The following PIAS2 variants were observed in gnomAD, a reference collection of about 807,000 sequenced individuals.
PIAS2 encodes the protein protein inhibitor of activated STAT 2.
PIAS2 carries 19 observed loss-of-function variants against 69.7 expected under a neutral mutation model. The observed-to-expected ratio is 0.27, with a 90% CI of 0.19 to 0.40. The LOEUF (loss-of-function observed/expected upper bound fraction) is 0.40. Among genes scored for constraint, PIAS2 ranks in the 10% least tolerant of loss-of-function variants. PIAS2 has a pLI of 1.00. For synonymous variants in PIAS2, 261 were observed against 263.2 expected (o/e 0.99, Z 0.08); for missense variants, 624 against 757.0 (o/e 0.82, Z 2.06).
intron 8 of PIAS2, among the ~76,000 whole-genome samples, chr18:46,842,865 C>T (rs1412689453): frequency 3.3e-5 from 5 of 152,078 alleles, no homozygotes; most frequent in Admixed American, 2.0e-4. Flanking sequence ...AGCAGGTTCC[C>T]AGTATCCAAG....
At chr18:46,867,026 G>A (rs1375141306) in intron 2 of PIAS2, among the ~76,000 whole-genome samples, 3 of 152,100 alleles carry the variant, frequency 2.0e-5, no homozygotes, top group Non-Finnish European at 4.4e-5. Flanking sequence ...CCATAGTCAT[G>A]TTGTACATGT....
At chr18:46,909,797 G>C (rs1469268663) in intron 1 of PIAS2, among the ~76,000 whole-genome samples, 1 of 152,134 alleles carries the variant, frequency 6.6e-6, no homozygotes, top group Non-Finnish European at 1.5e-5. Context: ...ATCAGTGCAG[G>C]TCAGGGTTTT....
At chr18:46,859,844 A>G (rs958385019) in intron 3 of PIAS2, among the ~76,000 whole-genome samples, 1 of 152,236 alleles carries the variant, frequency 6.6e-6, no homozygotes, top group African/African-American at 2.4e-5. Context: ...ATAACAAAGC[A>G]CATTAATGAA....
chr18:46,817,022 T>A (rs1381627016), intron 12 of PIAS2: 1 of 936,264 alleles, frequency 1.1e-6, no homozygotes, highest in African/African-American at 1.8e-5. Flanking sequence ...TTTTCAATAT[T>A]TCTATTATTA....
intron 1 of PIAS2, among the ~76,000 whole-genome samples, chr18:46,907,137 T>C (rs797003011): frequency 6.6e-6 from 1 of 152,206 alleles, no homozygotes; most frequent in African/African-American, 2.4e-5. Context: ...GAACTCTGAA[T>C]AGACTCAGGG....
chr18:46,851,845 T>C (rs2047014037), intron 5 of PIAS2, among the ~76,000 whole-genome samples: 1 of 152,194 alleles, frequency 6.6e-6, no homozygotes, highest in Admixed American at 6.5e-5. Flanking sequence ...GGTATTACAG[T>C]AAGATCATAC....
chr18:46,914,551 C>T (rs1234331099), intron 1 of PIAS2, among the ~76,000 whole-genome samples: 1 of 151,188 alleles, frequency 6.6e-6, no homozygotes, highest in Non-Finnish European at 1.5e-5. Context: ...AATCGAATAA[C>T]CAACCCTCCC....
In PIAS2 at chr18:46,820,985, G is replaced by A; in HGVS notation, c.1596C>T (p.Tyr532=). The change falls in exon 12 of 14, where the codon TAC becomes TAT. Residue 532 remains tyrosine (Y), a synonymous_variant. Coordinates refer to ENST00000585916, the MANE Select transcript of PIAS2 (RefSeq NM_004671.5). ...PAAIPPSLTD[Y]SVPFHHTPIS... ...TTGGCGTATGGTGGAATGGTACTGA[G>A]TAGTCTGTTAATGAAGGCGGAATAG... 3 of 1,613,538 alleles carry A rather than the reference G, an allele frequency of 1.9e-6. No individual in the cohort carries two copies. Among genetic ancestry groups the A allele is most frequent in the Non-Finnish European group, 2.5e-6 (3 of 1,179,570 alleles).
At chr18:46,861,791 A>G (rs955541333) in intron 3 of PIAS2, among the ~76,000 whole-genome samples, 7 of 152,224 alleles carry the variant, frequency 4.6e-5, no homozygotes, top group African/African-American at 1.7e-4. Context: ...AACAGATTGA[A>G]GCAGAGTAGG....
chr18:46,898,591 A>G (rs1363491977), intron 1 of PIAS2, among the ~76,000 whole-genome samples: 1 of 152,254 alleles, frequency 6.6e-6, no homozygotes, highest in Non-Finnish European at 1.5e-5. Flanking sequence ...ATACATTTTC[A>G]AATGGCTGAA....
In PIAS2 at chr18:46,894,991, T is replaced by C. The variant is rs527626607; in HGVS notation, c.25-3937A>G. 7.1e-4 allele frequency among the ~76,000 whole-genome samples: 108 copies of C among 151,274 alleles called. 1 individual carries two copies. The highest frequency in any genetic ancestry group is 2.2e-3 in the African/African-American group (89 of 41,130). ...AGGAGGATGAGGCAGGAGAATCGCT[T>C]GAAACCGGGAGGCGGAGGATGCAGT... is the stretch of plus-strand genomic sequence containing the variant. On this transcript the variant is annotated intron_variant, in intron 1 of 13. Coordinates refer to ENST00000585916, the MANE Select transcript of PIAS2 (RefSeq NM_004671.5).
At chr18:46,838,691 A>G (rs1293502621) in intron 8 of PIAS2, among the ~76,000 whole-genome samples, 3 of 152,234 alleles carry the variant, frequency 2.0e-5, no homozygotes, top group Non-Finnish European at 2.9e-5. Context: ...GCTTTTATAT[A>G]AATCTCATAA....
chr18:46,909,644 C>T (rs144494274), intron 1 of PIAS2, among the ~76,000 whole-genome samples: 6 of 152,320 alleles, frequency 3.9e-5, no homozygotes, highest in East Asian at 1.9e-4. Flanking sequence ...ACTGACACCA[C>T]CTTTTTTGGA....
At chr18:46,863,813 T>C (rs2049021507) in intron 3 of PIAS2, among the ~76,000 whole-genome samples, 1 of 152,204 alleles carries the variant, frequency 6.6e-6, no homozygotes, top group Non-Finnish European at 1.5e-5. Context: ...GTTGAAGTCC[T>C]AACCCCCAAT....
chr18:46,814,920 G>A (rs888081378), intron 13 of PIAS2, among the ~76,000 whole-genome samples: 1 of 152,154 alleles, frequency 6.6e-6, no homozygotes, highest in Non-Finnish European at 1.5e-5. Flanking sequence ...TCAAGTTAAT[G>A]AGTCAAGTCT....
chr18:46,919,910 T>C, upstream of PIAS2: 1 of 421,882 alleles, frequency 2.4e-6, no homozygotes, highest in South Asian at 1.8e-5. Flanking sequence ...TAGTAGGCTT[T>C]AAGTGAATGC....
intron 2 of PIAS2, among the ~76,000 whole-genome samples, chr18:46,889,170 T>G (rs576016794): frequency 1.1e-4 from 17 of 152,284 alleles, no homozygotes; most frequent in Admixed American, 9.1e-4. Flanking sequence ...CAGCATGAAG[T>G]TTAGCAATGA....
chr18:46,815,446 GGTAA>G (rs1334760210), intron 12 of PIAS2, 97 bp from the exon 13 acceptor site: 3 of 1,585,844 alleles, frequency 1.9e-6, no homozygotes, highest in East Asian at 4.6e-5. Flanking sequence ...AAACATTTGT[GGTAA>G]GTGCTTACCA....
At position 46,865,414 on chromosome 18, in the gene PIAS2, C is replaced by T. The variant is rs141903503; in HGVS notation, c.500-1166G>A. Among the ~76,000 whole-genome samples the T allele has an allele frequency of 8.5e-4, 129 of 151,902 alleles. 1 individual carries two copies. The highest frequency in any genetic ancestry group is 5.0e-3 in the South Asian group (24 of 4,788). On this transcript the variant is annotated intron_variant, in intron 2 of 13. Transcript: ENST00000585916. ...AATTAGCCAGTCATGGTGGCACGTGCCTGTAATCCCAGCTACTCCAGAGGC... is the reference window on the plus strand; with the variant it reads ...AATTAGCCAGTCATGGTGGCACGTGTCTGTAATCCCAGCTACTCCAGAGGC...
Sources: allele counts gnomAD v4.1 joint callset (sites outside exome capture counted in the v4.1 genomes callset), GRCh38; gene constraint gnomAD v4.1.1; transcripts MANE v1.5; gene names NCBI Gene and HGNC (gene_info 2026-07-23, HGNC 2026-07-21).